SLC39A9: variants seen among roughly 807,000 people sequenced by gnomAD.
SLC39A9 encodes the protein zinc transporter ZIP9.
Under a neutral mutation model 28.4 loss-of-function variants are expected in SLC39A9, and 14 were observed. The observed-to-expected ratio is 0.49, with a 90% CI of 0.33 to 0.77. The LOEUF (loss-of-function observed/expected upper bound fraction) is 0.77. Among genes scored for constraint, SLC39A9 ranks in the 30% least tolerant of loss-of-function variants. The pLI is 0.02. For synonymous variants in SLC39A9, 119 were observed against 149.6 expected, an observed-to-expected ratio of 0.80 and a Z score of 1.49; for missense variants, 283 against 381.1, an observed-to-expected ratio of 0.74 and a Z score of 2.14.
At chr14:69,458,190 AC>A (rs564921631) in intron 6 of SLC39A9, among the ~76,000 whole-genome samples, 172 bp from the exon 7 acceptor site, 5 of 152,136 alleles carry the variant, frequency 3.3e-5, no homozygotes, top group Non-Finnish European at 7.4e-5. Context: ...ATATTCTTAA[AC>A]CCTTATTTGG....
rs951346968 is a variant in SLC39A9, at chr14:69,417,454, G to A, written c.97-6640G>A. On this transcript the variant is annotated intron_variant, in intron 1 of 6. Coordinates refer to ENST00000336643, the MANE Select transcript of SLC39A9 (RefSeq NM_018375.5). ...TTGCTTAGGATTGTCTTGGCAATGC[G>A]ACCTGTTTTTTGGTTCTATATGAAC... Among the ~76,000 whole-genome samples the A allele has an allele frequency of 6.6e-5, 10 of 152,238 alleles. No individual in the cohort carries two copies. In the East Asian group the frequency reaches 1.2e-3, roughly 18 times the overall value.
chr14:69,449,539 T>G (rs926187458), intron 3 of SLC39A9, among the ~76,000 whole-genome samples: 2 of 151,926 alleles, frequency 1.3e-5, no homozygotes, highest in Admixed American at 1.3e-4. Flanking sequence ...ATGGGAGGAT[T>G]GCTTGAGCCC....
At chr14:69,451,330 T>TA (rs542600712) in intron 3 of SLC39A9, among the ~76,000 whole-genome samples, 298 of 152,374 alleles carry the variant, frequency 2.0e-3, no homozygotes, top group African/African-American at 6.8e-3. Flanking sequence ...CCCTGTAACT[T>TA]ACTTGACTGA....
chr14:69,455,691 T>C (rs1298605238), intron 5 of SLC39A9, 41 bp from the exon 6 acceptor site: 1 of 1,611,196 alleles, frequency 6.2e-7, no homozygotes, highest in East Asian at 2.2e-5. Flanking sequence ...AAGCAACCCA[T>C]ACTTCTAGAA....
rs1396343078 is a variant in SLC39A9, at chr14:69,458,993, T to G, written c.*400T>G. 1.0e-6 allele frequency: 1 copy of G among 994,382 alleles called. No homozygotes were observed. The highest frequency in any genetic ancestry group is 5.6e-5 in the Admixed American group (1 of 17,746). The allele number at this position is 994,382 out of a possible 1,614,324, so 61.6% of individuals were successfully genotyped here. On this transcript the variant is annotated 3_prime_UTR_variant, in exon 7 of 7. Coordinates refer to ENST00000336643, the MANE Select transcript of SLC39A9 (RefSeq NM_018375.5). Reference sequence around the variant, plus strand: ...GTCTCTTTCTTCTTAGTTTAGAGGCTCTGCTACTTTATCCATTGATTTTTA... The same window carrying G: ...GTCTCTTTCTTCTTAGTTTAGAGGCGCTGCTACTTTATCCATTGATTTTTA...
At chr14:69,447,213 C>G (rs921536725) in intron 3 of SLC39A9, among the ~76,000 whole-genome samples, 1 of 152,162 alleles carries the variant, frequency 6.6e-6, no homozygotes, top group African/African-American at 2.4e-5. Flanking sequence ...ATTAAGGTCA[C>G]AAGCATTCTG....
At chr14:69,446,892 AAAAG>A (rs1206294126) in intron 3 of SLC39A9, among the ~76,000 whole-genome samples, 2 of 145,938 alleles carry the variant, frequency 1.4e-5, no homozygotes, top group Non-Finnish European at 3.0e-5. Context: ...AAAAAAAAGA[AAAAG>A]AAAAAAAAAT....
chr14:69,424,702 G>A (rs963395766), intron 2 of SLC39A9, among the ~76,000 whole-genome samples: 6 of 152,036 alleles, frequency 3.9e-5, no homozygotes, highest in African/African-American at 1.2e-4. Flanking sequence ...TAAATGCTTG[G>A]TGGTCAGCTT....
At position 69,442,210 on chromosome 14, in the gene SLC39A9, T is replaced by G; in HGVS notation, c.347T>G (p.Phe116Cys). 6.2e-7 allele frequency: 1 copy of G among 1,614,202 alleles called. No homozygotes were observed. The highest frequency in any genetic ancestry group is 8.5e-7 in the Non-Finnish European group (1 of 1,180,038). Reference sequence around the variant, plus strand: ...ATTGGTGTTTCCCTCGTTCTGGGCTTCGTTTTCATGTTGCTGGTGGACCAG... The same window carrying G: ...ATTGGTGTTTCCCTCGTTCTGGGCTGCGTTTTCATGTTGCTGGTGGACCAG... ...AYIGVSLVLGFVFMLLVDQIG... is the reference protein window; with the variant it reads ...AYIGVSLVLGCVFMLLVDQIG... Residue 116 changes from phenylalanine to cysteine, a missense_variant, in exon 3 of 7, where the codon TTC (phenylalanine) becomes TGC (cysteine). By Grantham distance (205) the Phe-to-Cys change is radical. Coordinates refer to ENST00000336643, the MANE Select transcript of SLC39A9 (RefSeq NM_018375.5).
At chr14:69,406,283 A>G (rs1882906749) in intron 1 of SLC39A9, among the ~76,000 whole-genome samples, 1 of 152,188 alleles carries the variant, frequency 6.6e-6, no homozygotes, top group Non-Finnish European at 1.5e-5. Context: ...TTTTAAATTA[A>G]CACCTGCCAA....
chr14:69,455,546 C>T (rs1885816898), intron 5 of SLC39A9, among the ~76,000 whole-genome samples, 186 bp from the exon 6 acceptor site: 1 of 152,140 alleles, frequency 6.6e-6, no homozygotes, highest in Non-Finnish European at 1.5e-5. Flanking sequence ...TCTCGAACTC[C>T]TGACCTTAGG....
At chr14:69,436,977 C>T (rs1408634918) in intron 2 of SLC39A9, among the ~76,000 whole-genome samples, 1 of 152,106 alleles carries the variant, frequency 6.6e-6, no homozygotes, top group Non-Finnish European at 1.5e-5. Flanking sequence ...ATGCCATTCT[C>T]CTGCCTCAGC....
chr14:69,460,011 T>G lies in SLC39A9; in HGVS notation c.*1418T>G, dbSNP rs1309754594. ...AATCTGGTAATTTAAACAATTGAGA[T>G]AGCAAAAGTGTTTAACAGACTAGGA... On this transcript the variant is annotated 3_prime_UTR_variant, in exon 7 of 7. Transcript: ENST00000336643. 1 of 985,142 alleles carries G rather than the reference T, an allele frequency of 1.0e-6. No homozygotes were observed. The highest frequency in any genetic ancestry group is 1.1e-4 in the East Asian group (1 of 8,836). 61.0% of individuals were successfully genotyped at this position (985,142 alleles called of 1,614,324 possible). A position where few individuals can be genotyped will look rare whatever the true frequency, so the allele number is the denominator to read the frequency against.
At chr14:69,407,643 T>C (rs1281868328) in intron 1 of SLC39A9, among the ~76,000 whole-genome samples, 2 of 151,494 alleles carry the variant, frequency 1.3e-5, no homozygotes, top group East Asian at 1.9e-4. Context: ...TTCTTTCTTT[T>C]TTTTTTTATT....
At position 69,424,207 on chromosome 14, in the gene SLC39A9, G is replaced by C; in HGVS notation, c.205+5G>C. 6.3e-7 allele frequency: 1 copy of C among 1,592,924 alleles called. No individual in the cohort carries two copies. The highest frequency in any genetic ancestry group is 8.6e-7 in the Non-Finnish European group (1 of 1,160,928). ...TTTATGAAGATATTCTTGAGGGTGA[G>C]AAAGGGAAGAGCATTATTTGAGATA... On this transcript the variant is annotated splice_donor_5th_base_variant and intron_variant, in intron 2 of 6. Coordinates refer to ENST00000336643, the MANE Select transcript of SLC39A9 (RefSeq NM_018375.5).
At position 69,455,707 on chromosome 14, in the gene SLC39A9, AT is replaced by A. The variant is rs1566926666; in HGVS notation, c.559-24del. On this transcript the variant is annotated intron_variant, in intron 5 of 6. Coordinates refer to ENST00000336643, the MANE Select transcript of SLC39A9 (RefSeq NM_018375.5). ...AGCAACCCATACTTCTAGAATGATA[AT>A]AAGAGATGATTTTTTATTTCCAGGC... 17 of 1,613,818 alleles carry A rather than the reference AT, an allele frequency of 1.1e-5. No individual in the cohort carries two copies. In the South Asian group the frequency reaches 1.8e-4, roughly 17 times the overall value.
In SLC39A9 at chr14:69,459,032, C is replaced by T. The variant is rs1424552625; in HGVS notation, c.*439C>T. ...CATTGATTTTTAACATGGTTCCCACCATGTAAGACTGGTGCTTTAGCATCT... is the reference window on the plus strand; with the variant it reads ...CATTGATTTTTAACATGGTTCCCACTATGTAAGACTGGTGCTTTAGCATCT... On this transcript the variant is annotated 3_prime_UTR_variant, in exon 7 of 7. Transcript: ENST00000336643. 3.0e-6 allele frequency: 3 copies of T among 990,328 alleles called. No individual in the cohort carries two copies. The highest frequency in any genetic ancestry group is 3.6e-6 in the Non-Finnish European group (3 of 832,472). 61.3% of individuals were successfully genotyped at this position (990,328 alleles called of 1,614,324 possible). A position where few individuals can be genotyped will look rare whatever the true frequency, so the allele number is the denominator to read the frequency against.
At chr14:69,456,421 A>G (rs1033152055) in intron 6 of SLC39A9, among the ~76,000 whole-genome samples, 1 of 152,216 alleles carries the variant, frequency 6.6e-6, no homozygotes, top group Non-Finnish European at 1.5e-5. Context: ...AGCAACTAAG[A>G]TCAACAAACC....
chr14:69,400,894 C>T (rs1338604856), intron 1 of SLC39A9, among the ~76,000 whole-genome samples: 2 of 151,654 alleles, frequency 1.3e-5, no homozygotes, highest in Admixed American at 1.3e-4. Context: ...TGGGGCGCGC[C>T]TGTAGTCCTA....
Sources: allele counts gnomAD v4.1 joint callset (sites outside exome capture counted in the v4.1 genomes callset), GRCh38; gene constraint gnomAD v4.1.1; transcripts MANE v1.5; gene names NCBI Gene and HGNC (gene_info 2026-07-23, HGNC 2026-07-21).